Variants in CEP68 observed in about 807,000 individuals in gnomAD.
The protein encoded by CEP68 is centrosomal protein of 68 kDa.
In CEP68, 26 loss-of-function variants were observed where a neutral mutation model predicts 55.3. The observed-to-expected ratio is 0.47, with a 90% CI of 0.34 to 0.65. CEP68 has a LOEUF of 0.65. Ranked by LOEUF, CEP68 falls within the 30% of genes least tolerant of loss-of-function variation. The probability of loss-of-function intolerance (pLI) is 0.01; values close to 1 mark genes in which losing one functional copy is unlikely to be tolerated. For synonymous variants in CEP68, 402 were observed against 383.2 expected (o/e 1.05, Z -0.57); for missense variants, 957 against 946.7 (o/e 1.01, Z -0.14).
At position 65,072,287 on chromosome 2, in the gene CEP68, T is replaced by G; in HGVS notation, c.1191T>G (p.Leu397=). 1 of 1,613,990 alleles carries G rather than the reference T, an allele frequency of 6.2e-7. No homozygotes were observed. Among genetic ancestry groups the G allele is most frequent in the Non-Finnish European group, 8.5e-7 (1 of 1,179,982 alleles). ...GGMGLASWSQ[L]ASTPRAPGSR... ...TGGGCTTGGCATCTTGGAGCCAACT[T>G]GCATCTACCCCCAGAGCCCCAGGCA... The change falls in exon 3 of 7, where the codon CTT becomes CTG. Residue 397 remains leucine, a synonymous_variant. Transcript: ENST00000377990.
intron 5 of CEP68, among the ~76,000 whole-genome samples, chr2:65,081,317 CTCTT>C (rs1344007747): frequency 6.7e-6 from 1 of 148,890 alleles, no homozygotes. Flanking sequence ...TCTGCCAACT[CTCTT>C]TGTGGACAGC....
intron 4 of CEP68, among the ~76,000 whole-genome samples, chr2:65,075,478 TTTTTCA>T (rs1676719149): frequency 6.6e-6 from 1 of 152,196 alleles, no homozygotes; most frequent in African/African-American, 2.4e-5. Flanking sequence ...TTCTTGTTTC[TTTTTCA>T]TTAAGATTTT....
rs759074875 is a variant in CEP68, at chr2:65,071,737, C to T, written c.641C>T (p.Ala214Val). The change falls in exon 3 of 7, where the codon GCG (alanine) becomes GTG (valine). Residue 214 changes from alanine to valine, a missense_variant. Physicochemically the swap from Ala to Val is moderately conservative, Grantham distance 64. Coordinates refer to ENST00000377990, the MANE Select transcript of CEP68 (RefSeq NM_015147.3). ...AGTCTCCAGGGTCACCAGGAGAGGGCGGAGCCTCGTGGTGGTTCTCTGGCC... is the reference window on the plus strand; with the variant it reads ...AGTCTCCAGGGTCACCAGGAGAGGGTGGAGCCTCGTGGTGGTTCTCTGGCC... ...GSSLQGHQERAEPRGGSLAKV... is the reference protein window; with the variant it reads ...GSSLQGHQERVEPRGGSLAKV... 99 of 1,613,762 alleles carry T rather than the reference C, an allele frequency of 6.1e-5. No homozygotes were observed. Among genetic ancestry groups the T allele is most frequent in the African/African-American group, 2.7e-4 (20 of 74,918 alleles).
intron 1 of CEP68, among the ~76,000 whole-genome samples, chr2:65,056,823 G>A (rs528590238): frequency 6.6e-6 from 1 of 152,270 alleles, no homozygotes; most frequent in Non-Finnish European, 1.5e-5. Flanking sequence ...GGAATGCCCG[G>A]GCGCGGCGAG....
rs34477880 is a variant in CEP68 at position 65,058,497 on chromosome 2, C to CTTT, written c.-47+1993_-47+1995dup. ...CCTTATCCGATGGCTGATTTTTTTC[C>CTTT]TTTTTTTTTTTTTTTTTTTTTTTTT... On this transcript the variant is annotated intron_variant, in intron 1 of 6. Coordinates refer to ENST00000377990, the MANE Select transcript of CEP68 (RefSeq NM_015147.3). Among the ~76,000 whole-genome samples, 697 of 75,672 alleles carry CTTT rather than the reference C, an allele frequency of 9.2e-3. 81 individuals are homozygous for CTTT. Among genetic ancestry groups the CTTT allele is most frequent in the Middle Eastern group, 0.047 (3 of 64 alleles). The allele number at this position is 75,672 out of a possible 152,430, so 49.6% of individuals were successfully genotyped here. A position where few individuals can be genotyped will look rare whatever the true frequency, so the allele number is the denominator to read the frequency against.
intron 1 of CEP68, among the ~76,000 whole-genome samples, chr2:65,060,916 C>T (rs570971134): frequency 3.5e-4 from 53 of 152,284 alleles, no homozygotes; most frequent in African/African-American, 1.1e-3. Context: ...GTGGCTCACG[C>T]CTGTAATCCC....
intron 2 of CEP68, chr2:65,071,197 C>T: frequency 1.9e-6 from 1 of 516,526 alleles, no homozygotes; most frequent in South Asian, 2.3e-5. Context: ...TGCTCACACC[C>T]TGGATACCTG....
At chr2:65,066,745 A>AAAAAAT (rs70943620) in intron 1 of CEP68, among the ~76,000 whole-genome samples, 5 of 58,410 alleles carry the variant, frequency 8.6e-5, no homozygotes, top group South Asian at 5.6e-4. Flanking sequence ...AAAAAAAAAA[A>AAAAAAT]ATATATATAT....
intron 5 of CEP68, among the ~76,000 whole-genome samples, chr2:65,082,261 T>C (rs536672680): frequency 3.9e-5 from 6 of 152,316 alleles, no homozygotes; most frequent in Admixed American, 3.9e-4. Context: ...CAGAAAACCA[T>C]AATATCTCTG....
chr2:65,069,809 C>T lies in CEP68; in HGVS notation c.357+8C>T. 6.2e-7 allele frequency: 1 copy of T among 1,610,798 alleles called. No homozygotes were observed. Among genetic ancestry groups the T allele is most frequent in the Non-Finnish European group, 8.5e-7 (1 of 1,177,434 alleles). On this transcript the variant is annotated splice_region_variant and intron_variant, in intron 2 of 6. Coordinates refer to ENST00000377990, the MANE Select transcript of CEP68 (RefSeq NM_015147.3). ...CTCTCCGGGGAAAGCCAGGTAGGTA[C>T]TAAGGCAAGACTGTAGATGGACCCA...
At position 65,072,417 on chromosome 2, in the gene CEP68, C is replaced by T. The variant is rs774522142; in HGVS notation, c.1321C>T (p.Arg441Trp). The T allele has an allele frequency of 2.5e-5, 41 of 1,613,830 alleles. No homozygotes were observed. Among genetic ancestry groups the T allele is most frequent in the South Asian group, 4.4e-5 (4 of 91,090 alleles). ...LDMGSPQLRTRDRGWPSPRPE... is the reference protein window; with the variant it reads ...LDMGSPQLRTWDRGWPSPRPE... ...TATGGGCTCTCCCCAGCTAAGGACA[C>T]GGGACAGAGGGTGGCCCTCGCCCAG... is the stretch of plus-strand genomic sequence containing the variant. The change falls in exon 3 of 7, where the codon CGG becomes TGG. Residue 441 changes from arginine to tryptophan, a missense_variant. Coordinates refer to ENST00000377990, the MANE Select transcript of CEP68 (RefSeq NM_015147.3).
chr2:65,080,637 G>T, intron 5 of CEP68: 1 of 686,024 alleles, frequency 1.5e-6, no homozygotes, highest in Non-Finnish European at 1.8e-6. Flanking sequence ...GGCCAACATG[G>T]CGAAACCCCA....
chr2:65,079,080 G>T (rs1250650433), intron 5 of CEP68, among the ~76,000 whole-genome samples: 3 of 152,336 alleles, frequency 2.0e-5, no homozygotes, highest in Non-Finnish European at 4.4e-5. Context: ...AGTGCTGACA[G>T]CCTGCCTATA....
intron 5 of CEP68, among the ~76,000 whole-genome samples, chr2:65,081,378 T>G (rs1040068893): frequency 6.6e-6 from 1 of 152,136 alleles, no homozygotes; most frequent in Admixed American, 6.5e-5. Context: ...CTAGGAGATC[T>G]CAATACAGCC....
chr2:65,072,970 A>C lies in CEP68; in HGVS notation c.1874A>C (p.Gln625Pro). Residue 625 changes from glutamine (Q) to proline (P), a missense_variant, in exon 3 of 7, where the codon CAA becomes CCA. Physicochemically the swap from Gln to Pro is moderately conservative, Grantham distance 76. Coordinates refer to ENST00000377990, the MANE Select transcript of CEP68 (RefSeq NM_015147.3). ...GGEQGKESLV[Q>P]CVKTFCCQLE... The stretch of plus-strand genomic sequence containing the variant: ...GAACAGGGAAAAGAATCACTGGTGC[A>C]ATGTGTGAAGGTAATGACACTCAAC... 1.9e-6 allele frequency: 3 copies of C among 1,614,232 alleles called. No individual in the cohort carries two copies. Among genetic ancestry groups the C allele is most frequent in the Non-Finnish European group, 1.7e-6 (2 of 1,180,040 alleles).
Position 65,085,199 on chromosome 2 carries a change from A to C in CEP68, c.*1565A>C, listed in dbSNP as rs1668992831. Reference sequence around the variant, plus strand: ...CATAGAAGTGTATTAATTAGCATAAAAGTTGGAGATGAAAACCCTATAGAA... The same window carrying C: ...CATAGAAGTGTATTAATTAGCATAACAGTTGGAGATGAAAACCCTATAGAA... On this transcript the variant is annotated 3_prime_UTR_variant, in exon 7 of 7. Transcript: ENST00000377990. 6.6e-6 allele frequency: 1 copy of C among 152,214 alleles called. No individual in the cohort carries two copies. Among genetic ancestry groups the C allele is most frequent in the South Asian group, 2.1e-4 (1 of 4,838 alleles). The allele number at this position is 152,214 out of a possible 1,614,324, so 9.4% of individuals were successfully genotyped here.
intron 2 of CEP68, chr2:65,071,029 G>T: frequency 5.5e-6 from 1 of 181,716 alleles, no homozygotes; most frequent in Non-Finnish European, 1.2e-5. Context: ...TACCACTGGC[G>T]TGTGAACTGA....
At chr2:65,080,036 G>A (rs1676935398) in intron 5 of CEP68, among the ~76,000 whole-genome samples, 1 of 152,092 alleles carries the variant, frequency 6.6e-6, no homozygotes, top group African/African-American at 2.4e-5. Flanking sequence ...TGGAGGCTGA[G>A]GCAGGTGAAT....
rs371279145 is a variant in CEP68, at chr2:65,080,556, C to T, written c.2105-1980C>T. ...AAAAGCGTCCGTGCGCAGTGGCTCA[C>T]GCCTGTAATCTCAACACTTTGGGAG... On this transcript the variant is annotated intron_variant, in intron 5 of 6. Transcript: ENST00000377990. 2.5e-5 allele frequency: 25 copies of T among 985,034 alleles called. No individual in the cohort carries two copies. In the East Asian group the frequency reaches 4.5e-4, roughly 18 times the overall value. 61.0% of individuals were successfully genotyped at this position (985,034 alleles called of 1,614,324 possible). A position where few individuals can be genotyped will look rare whatever the true frequency, so the allele number is the denominator to read the frequency against.
Sources: allele counts gnomAD v4.1 joint callset (sites outside exome capture counted in the v4.1 genomes callset), GRCh38; gene constraint gnomAD v4.1.1; transcripts MANE v1.5; gene names NCBI Gene and HGNC (gene_info 2026-07-23, HGNC 2026-07-21).